The following DACH1 variants were observed in gnomAD, a reference collection of about 807,000 sequenced individuals.
The protein encoded by DACH1 is dachshund homolog 1.
Under a neutral mutation model 54.2 loss-of-function variants are expected in DACH1, and 12 were observed. The observed-to-expected ratio is 0.22, with a 90% CI of 0.14 to 0.36. DACH1 has a LOEUF of 0.36. Ranked by LOEUF, DACH1 falls within the 10% of genes least tolerant of loss-of-function variation. The pLI, the probability that DACH1 is intolerant of heterozygous loss-of-function variation, is 1.00. For synonymous variants in DACH1, 386 were observed against 366.2 expected, an observed-to-expected ratio of 1.05 and a Z score of -0.62; for missense variants, 805 against 929.8, an observed-to-expected ratio of 0.87 and a Z score of 1.75.
chr13:71,477,335 A>G (rs191628912), intron 8 of DACH1, among the ~76,000 whole-genome samples: 10 of 151,264 alleles, frequency 6.6e-5, no homozygotes, highest in East Asian at 2.0e-4. Context: ...GTTAGCCAGG[A>G]TGGTCTGGAT....
At chr13:71,823,081 T>A (rs573418882) in intron 1 of DACH1, among the ~76,000 whole-genome samples, 1 of 152,204 alleles carries the variant, frequency 6.6e-6, no homozygotes, top group East Asian at 1.9e-4. Flanking sequence ...TAAAGATGAG[T>A]ATGATTAACT....
At chr13:71,543,269 G>T (rs1248157738) in intron 6 of DACH1, among the ~76,000 whole-genome samples, 2 of 152,040 alleles carry the variant, frequency 1.3e-5, no homozygotes, top group Non-Finnish European at 2.9e-5. Flanking sequence ...ATGTCTGGAG[G>T]ATACACTGGA....
chr13:71,482,108 C>T (rs1878089613), intron 7 of DACH1, among the ~76,000 whole-genome samples: 1 of 152,072 alleles, frequency 6.6e-6, no homozygotes, highest in South Asian at 2.1e-4. Flanking sequence ...TGGTGAGAGA[C>T]AATAGTTGAT....
chr13:71,531,644 T>C (rs1485864858), intron 6 of DACH1, among the ~76,000 whole-genome samples: 2 of 151,960 alleles, frequency 1.3e-5, no homozygotes, highest in African/African-American at 2.4e-5. Flanking sequence ...AGCAAAGGAA[T>C]AGATAAAAAA....
intron 3 of DACH1, among the ~76,000 whole-genome samples, chr13:71,606,214 T>C (rs1327899743): frequency 1.3e-5 from 2 of 152,066 alleles, no homozygotes; most frequent in Non-Finnish European, 2.9e-5. Context: ...ATATTTTATA[T>C]AGAGAGGAGA....
chr13:71,685,338 G>A (rs557023940), intron 1 of DACH1, among the ~76,000 whole-genome samples: 8 of 152,178 alleles, frequency 5.3e-5, no homozygotes, highest in African/African-American at 1.9e-4. Flanking sequence ...AATACTCTTG[G>A]TGGTGGTAAC....
chr13:71,604,377 A>T (rs1874727746), intron 3 of DACH1, among the ~76,000 whole-genome samples: 1 of 151,904 alleles, frequency 6.6e-6, no homozygotes, highest in African/African-American at 2.4e-5. Flanking sequence ...TAAATTTTTC[A>T]ACTTTCCACA....
At chr13:71,736,051 T>C (rs1235100854) in intron 1 of DACH1, among the ~76,000 whole-genome samples, 1 of 152,106 alleles carries the variant, frequency 6.6e-6, no homozygotes, top group Non-Finnish European at 1.5e-5. Flanking sequence ...TATACTGAGC[T>C]GTGTACAGAG....
chr13:71,666,364 T>C (rs947205510), intron 2 of DACH1, among the ~76,000 whole-genome samples: 2 of 152,208 alleles, frequency 1.3e-5, no homozygotes, highest in African/African-American at 4.8e-5. Context: ...CAAATATTTT[T>C]CATTTGTCAA....
intron 1 of DACH1, among the ~76,000 whole-genome samples, chr13:71,817,811 TTCC>T (rs1302570976): frequency 5.8e-4 from 74 of 128,582 alleles, no homozygotes; most frequent in African/African-American, 1.9e-3. Flanking sequence ...TCTTTCTTTC[TTCC>T]TTTTTTTTTT....
intron 6 of DACH1, among the ~76,000 whole-genome samples, chr13:71,499,479 T>C (rs1166372269): frequency 3.9e-5 from 6 of 152,188 alleles, no homozygotes; most frequent in Non-Finnish European, 8.8e-5. Flanking sequence ...ACTCAGAACA[T>C]GTACACCAGG....
At chr13:71,541,704 C>G (rs1347986001) in intron 6 of DACH1, among the ~76,000 whole-genome samples, 1 of 151,894 alleles carries the variant, frequency 6.6e-6, no homozygotes, top group Non-Finnish European at 1.5e-5. Context: ...AAAACACTGA[C>G]ATTTTTACAT....
intron 1 of DACH1, among the ~76,000 whole-genome samples, chr13:71,737,736 G>A (rs1473747637): frequency 6.6e-6 from 1 of 152,092 alleles, no homozygotes; most frequent in Non-Finnish European, 1.5e-5. Context: ...AGTCTATCAT[G>A]TCCCAAACTA....
chr13:71,466,057 T>G (rs2138150248), intron 10 of DACH1, among the ~76,000 whole-genome samples: 1 of 152,334 alleles, frequency 6.6e-6, no homozygotes, highest in South Asian at 2.1e-4. Context: ...CTTAAATTTC[T>G]AAATTCCCCA....
chr13:71,653,116 A>C (rs1289275869), intron 2 of DACH1, among the ~76,000 whole-genome samples: 1 of 152,216 alleles, frequency 6.6e-6, no homozygotes, highest in Non-Finnish European at 1.5e-5. Context: ...CTACAAAGTG[A>C]TCATTTAATG....
intron 1 of DACH1, among the ~76,000 whole-genome samples, chr13:71,799,575 A>G (rs1390224891): frequency 1.3e-5 from 2 of 152,154 alleles, no homozygotes; most frequent in African/African-American, 4.8e-5. Context: ...ACCGAGACAG[A>G]TAGCACATAC....
intron 3 of DACH1, among the ~76,000 whole-genome samples, chr13:71,619,135 T>A (rs1876016409): frequency 6.6e-6 from 1 of 151,718 alleles, no homozygotes; most frequent in Non-Finnish European, 1.5e-5. Context: ...TATGGTGACA[T>A]ATAAATTTAT....
At chr13:71,670,961 C>T (rs767056765) in intron 2 of DACH1, among the ~76,000 whole-genome samples, 3 of 151,968 alleles carry the variant, frequency 2.0e-5, no homozygotes, top group South Asian at 2.1e-4. Flanking sequence ...TGAATTTTGG[C>T]GATTGGCTTC....
At chr13:71,840,562 A>T (rs962458396) in intron 1 of DACH1, among the ~76,000 whole-genome samples, 1 of 152,144 alleles carries the variant, frequency 6.6e-6, no homozygotes, top group African/African-American at 2.4e-5. Context: ...ATTTTTTTTC[A>T]CATTCTCATT....
Sources: gnomAD v4.1 joint callset for allele counts (sites outside exome capture counted in the v4.1 genomes callset) on GRCh38, gnomAD v4.1.1 for gene constraint, MANE v1.5 for transcripts, NCBI Gene and HGNC (gene_info 2026-07-23, HGNC 2026-07-21) for gene names.